The following NELL1 variants were observed in gnomAD, a reference collection of about 807,000 sequenced individuals.
NELL1 encodes the protein neural EGFL like 1.
Under a neutral mutation model 107.4 loss-of-function variants are expected in NELL1, and 76 were observed. The ratio of observed to expected loss-of-function variants is 0.71; its 90% CI spans 0.59 to 0.86. NELL1 has a LOEUF of 0.86. NELL1 is among the 40% of genes least tolerant of loss of function. The probability of loss-of-function intolerance (pLI) is 0.00; values close to 1 mark genes in which losing one functional copy is unlikely to be tolerated. For missense variants in NELL1, 1,024 were observed against 1,005.5 expected (o/e 1.02, Z -0.25); for synonymous variants, 353 against 341.2 (o/e 1.03, Z -0.38).
rs1420212892 is a variant in NELL1, at chr11:20,927,350, CATT to C, written c.803_805del (p.His268_Cys269delinsArg). Reference sequence around the variant, plus strand: ...AAGACTTAGTCAATTGGAAAACTGTCATTGTGAGAAGACTTGTCAAGTGAGTGG... The same window carrying C: ...AAGACTTAGTCAATTGGAAAACTGTCGTGAGAAGACTTGTCAAGTGAGTGG... On this transcript the variant is annotated inframe_deletion, in exon 8 of 20. Coordinates refer to ENST00000357134, the MANE Select transcript of NELL1 (RefSeq NM_006157.5). 6.2e-7 allele frequency: 1 copy of C among 1,612,884 alleles called. No homozygotes were observed. The highest frequency in any genetic ancestry group is 8.5e-7 in the Non-Finnish European group (1 of 1,179,534).
chr11:21,242,727 C>T (rs1858395930), intron 14 of NELL1, among the ~76,000 whole-genome samples: 1 of 152,108 alleles, frequency 6.6e-6, no homozygotes, highest in Non-Finnish European at 1.5e-5. Context: ...CCAACCGTGT[C>T]ATCACCACTT....
chr11:21,305,701 A>G (rs1011273252), intron 14 of NELL1, among the ~76,000 whole-genome samples: 1 of 151,976 alleles, frequency 6.6e-6, no homozygotes, highest in Non-Finnish European at 1.5e-5. Flanking sequence ...TTCTATATAT[A>G]TGTACACTAC....
intron 2 of NELL1, among the ~76,000 whole-genome samples, chr11:20,687,043 C>G (rs1241595662): frequency 7.8e-6 from 1 of 128,932 alleles, no homozygotes; most frequent in Non-Finnish European, 1.6e-5. Flanking sequence ...CTCTCTCTCT[C>G]TCTTTTTTTT....
chr11:21,257,109 G>A (rs944084916), intron 14 of NELL1, among the ~76,000 whole-genome samples: 1 of 151,958 alleles, frequency 6.6e-6, no homozygotes, highest in Non-Finnish European at 1.5e-5. Context: ...AGTCAGGCAG[G>A]TGTGTGTCAA....
chr11:20,803,666 T>G (rs1256384762), intron 3 of NELL1, among the ~76,000 whole-genome samples: 2 of 152,234 alleles, frequency 1.3e-5, no homozygotes, highest in Non-Finnish European at 2.9e-5. Flanking sequence ...TTCTATTTTT[T>G]TCTTTTGATG....
intron 14 of NELL1, among the ~76,000 whole-genome samples, chr11:21,360,570 T>C (rs1029921590): frequency 6.6e-6 from 1 of 152,312 alleles, no homozygotes; most frequent in East Asian, 1.9e-4. Context: ...ATAATCTGTC[T>C]AGTGCTGTTA....
chr11:20,899,552 G>T (rs1429377945), intron 5 of NELL1, among the ~76,000 whole-genome samples: 1 of 151,950 alleles, frequency 6.6e-6, no homozygotes, highest in East Asian at 1.9e-4. Flanking sequence ...CATCCAAATA[G>T]GGAAGTTAGA....
intron 14 of NELL1, chr11:21,260,895 TC>T (rs1187693171): frequency 6.6e-6 from 1 of 151,922 alleles, no homozygotes; most frequent in Non-Finnish European, 1.5e-5. Context: ...AATTCATTTT[TC>T]CTTTAGAAGA....
At chr11:21,370,720 A>AT (rs1205979479) in intron 14 of NELL1, 133 bp from the exon 15 acceptor site, 4 of 627,870 alleles carry the variant, frequency 6.4e-6, no homozygotes, top group Middle Eastern at 3.8e-4. Flanking sequence ...TCTGTATGGA[A>AT]TTTTTAAATG....
intron 15 of NELL1, among the ~76,000 whole-genome samples, chr11:21,472,076 A>AT: frequency 6.6e-6 from 1 of 152,084 alleles, no homozygotes; most frequent in Admixed American, 6.6e-5. Flanking sequence ...CAAGAATGGC[A>AT]TTTTTCTTTT....
chr11:21,361,655 C>T (rs1340761124), intron 14 of NELL1, among the ~76,000 whole-genome samples: 1 of 152,128 alleles, frequency 6.6e-6, no homozygotes, highest in African/African-American at 2.4e-5. Context: ...CAGAATCCCA[C>T]ATTTCTTGGA....
At chr11:20,880,815 T>C (rs911273865) in intron 4 of NELL1, among the ~76,000 whole-genome samples, 3 of 152,224 alleles carry the variant, frequency 2.0e-5, no homozygotes, top group Admixed American at 1.3e-4. Flanking sequence ...CTCGGTCTTG[T>C]AGCTCTGTCC....
intron 2 of NELL1, among the ~76,000 whole-genome samples, chr11:20,755,310 G>A (rs1856235967): frequency 6.6e-6 from 1 of 152,162 alleles, no homozygotes; most frequent in Non-Finnish European, 1.5e-5. Context: ...CTATTTGGGA[G>A]CTGCTGCTGG....
At chr11:21,475,451 C>T (rs541615770) in intron 15 of NELL1, among the ~76,000 whole-genome samples, 1 of 152,250 alleles carries the variant, frequency 6.6e-6, no homozygotes, top group African/African-American at 2.4e-5. Context: ...TATAGTGCCC[C>T]CTGTAGGCAT....
chr11:21,352,258 G>A (rs548496243), intron 14 of NELL1, among the ~76,000 whole-genome samples: 3 of 152,012 alleles, frequency 2.0e-5, no homozygotes, highest in Middle Eastern at 3.4e-3. Context: ...ACTATAATTT[G>A]GATTATTGTG....
intron 2 of NELL1, among the ~76,000 whole-genome samples, chr11:20,700,509 T>C (rs1418186137): frequency 6.6e-6 from 1 of 151,978 alleles, no homozygotes; most frequent in Non-Finnish European, 1.5e-5. Flanking sequence ...AATATATATA[T>C]TTCAATAAAA....
chr11:21,498,772 GAGAGTTGCTTT>G (rs1339636039), intron 15 of NELL1, among the ~76,000 whole-genome samples: 1 of 151,980 alleles, frequency 6.6e-6, no homozygotes, highest in Non-Finnish European at 1.5e-5. Flanking sequence ...ACCATTGTAG[GAGAGTTGCTTT>G]TCTACATATT....
chr11:20,915,717 A>ATTTTTTTTTTTT (rs67447563), intron 5 of NELL1, among the ~76,000 whole-genome samples: 1 of 58,222 alleles, frequency 1.7e-5, no homozygotes, highest in African/African-American at 8.8e-5. Context: ...ATATATATAT[A>ATTTTTTTTTTTT]TTTTTTTTTT....
chr11:21,534,242 AG>A, intron 15 of NELL1, 131 bp from the exon 16 acceptor site: 1 of 967,486 alleles, frequency 1.0e-6, no homozygotes, highest in South Asian at 1.6e-5. Context: ...TGCTTCTTCC[AG>A]TGACTTTCAT....
Sources: gnomAD v4.1 joint callset for allele counts (sites outside exome capture counted in the v4.1 genomes callset) on GRCh38, gnomAD v4.1.1 for gene constraint, MANE v1.5 for transcripts, NCBI Gene and HGNC (gene_info 2026-07-23, HGNC 2026-07-21) for gene names.